ZNF346: variants seen among roughly 807,000 people sequenced by gnomAD.
ZNF346 encodes double-stranded RNA-binding zinc finger protein JAZ.
A neutral mutation model predicts 33.7 loss-of-function variants in ZNF346; 23 were observed. That is an observed-to-expected ratio of 0.68 (90% CI 0.49 to 0.97). The LOEUF (loss-of-function observed/expected upper bound fraction) is 0.97, where lower values mean the gene tolerates loss of function less well. ZNF346 is among the 50% of genes least tolerant of loss of function. The probability of loss-of-function intolerance (pLI) is 0.00; values close to 1 mark genes in which losing one functional copy is unlikely to be tolerated. For missense variants in ZNF346, 340 were observed against 371.1 expected (o/e 0.92, Z 0.69); for synonymous variants, 134 against 142.4 (o/e 0.94, Z 0.42).
rs1783820299 is a variant in ZNF346, at chr5:177,077,750, A to AG, written c.*3-1628dup. 6.6e-6 allele frequency among the ~76,000 whole-genome samples: 1 copy of AG among 152,192 alleles called. No homozygotes were observed. The highest frequency in any genetic ancestry group is 2.1e-4 in the South Asian group (1 of 4,830). On this transcript the variant is annotated intron_variant, in intron 8 of 8. Transcript: ENST00000503039. This position sits in a 1 kb window ranked among gnomAD's most constrained non-coding sequence, Gnocchi z 5.0. The stretch of plus-strand genomic sequence containing the variant: ...ATCCAGTCCCCCGTGGACTGCTAGT[A>AG]GGGGAGGACCACGACATCAAGAAAA...
At chr5:177,052,135 AACCT>A (rs1371812263) in intron 5 of ZNF346, among the ~76,000 whole-genome samples, 2 of 152,074 alleles carry the variant, frequency 1.3e-5, no homozygotes, top group Non-Finnish European at 2.9e-5. Context: ...ACTGTATTCC[AACCT>A]GAGTGAGAGC....
At chr5:177,055,369 T>G (rs1485730606) in intron 5 of ZNF346, among the ~76,000 whole-genome samples, 1 of 152,024 alleles carries the variant, frequency 6.6e-6, no homozygotes, top group African/African-American at 2.4e-5. Flanking sequence ...TTCATATAGC[T>G]ATCTCTGAAA....
chr5:177,061,680 A>G (rs1380264771), intron 5 of ZNF346, among the ~76,000 whole-genome samples: 1 of 152,208 alleles, frequency 6.6e-6, no homozygotes, highest in African/African-American at 2.4e-5. Context: ...AAGCCCTAGG[A>G]GAGTGGCACC....
At chr5:177,044,292 C>T (rs1581864653) in intron 3 of ZNF346, 97 bp from the exon 4 acceptor site, 1 of 1,298,666 alleles carries the variant, frequency 7.7e-7, no homozygotes, top group Non-Finnish European at 1.1e-6. Flanking sequence ...GTGAGGGGGG[C>T]CATAAATGCC....
chr5:177,072,401 G>A (rs187262448), downstream of ZNF346, among the ~76,000 whole-genome samples: 10 of 152,300 alleles, frequency 6.6e-5, no homozygotes, highest in Non-Finnish European at 7.3e-5. Context: ...TCCTTTGGGT[G>A]ACAAACCTGC....
intron 8 of ZNF346, among the ~76,000 whole-genome samples, chr5:177,073,830 G>GC (rs1783619484): frequency 9.1e-6 from 1 of 109,592 alleles, no homozygotes; most frequent in Non-Finnish European, 1.6e-5. Context: ...GGCGGGGGAG[G>GC]GGGGGGGTCC....
chr5:177,058,245 C>T lies in ZNF346; in HGVS notation c.704-3813C>T, dbSNP rs552919602. ...ATTCCAGCACTTTGGGAGGCTGAGG[C>T]AGGCGGATCACCTGAGGTCAGGATT... On this transcript the variant is annotated intron_variant, in intron 5 of 6. Transcript: ENST00000358149. Among the ~76,000 whole-genome samples the T allele has an allele frequency of 2.6e-5, 4 of 151,784 alleles. No homozygotes were observed. In the South Asian group the frequency reaches 8.3e-4, roughly 32 times the overall value.
chr5:177,067,059 G>C lies in ZNF346; in HGVS notation c.*2460G>C, dbSNP rs775376515. Among the ~76,000 whole-genome samples, 5 of 152,054 alleles carry C rather than the reference G, an allele frequency of 3.3e-5. No homozygotes were observed. Among genetic ancestry groups the C allele is most frequent in the Non-Finnish European group, 5.9e-5 (4 of 68,004 alleles). Reference sequence around the variant, plus strand: ...GCCTAGGTGACAGAGTGAGACTCCTGTCTCAAAATAAATAAATAATAAATT... The same window carrying C: ...GCCTAGGTGACAGAGTGAGACTCCTCTCTCAAAATAAATAAATAATAAATT... On this transcript the variant is annotated 3_prime_UTR_variant, in exon 7 of 7. Transcript: ENST00000358149.
intron 3 of ZNF346, chr5:177,042,111 TC>T: frequency 2.5e-6 from 1 of 399,708 alleles, no homozygotes; most frequent in South Asian, 4.8e-5. Context: ...AGCACCCAAT[TC>T]AGAGCCTGGC....
At chr5:177,050,620 A>G (rs753910668) in intron 4 of ZNF346, 131 bp from the exon 5 acceptor site, 3 of 923,238 alleles carry the variant, frequency 3.2e-6, no homozygotes, top group Non-Finnish European at 5.2e-6. Context: ...AACTGGTGTC[A>G]CAGCCCTTTC....
chr5:177,070,723 C>G (rs1486415292), downstream of ZNF346, among the ~76,000 whole-genome samples: 1 of 152,166 alleles, frequency 6.6e-6, no homozygotes, highest in African/African-American at 2.4e-5. Context: ...GGTAAGGCCA[C>G]AAGCAGATGG....
chr5:177,041,458 A>G (rs1779328858), intron 2 of ZNF346, among the ~76,000 whole-genome samples: 1 of 152,234 alleles, frequency 6.6e-6, no homozygotes, highest in Admixed American at 6.5e-5. Flanking sequence ...GGCATAGCAT[A>G]AAGTATGAGC....
intron 4 of ZNF346, among the ~76,000 whole-genome samples, chr5:177,045,290 T>C (rs1188806131): frequency 6.6e-6 from 1 of 152,226 alleles, no homozygotes; most frequent in Non-Finnish European, 1.5e-5. Flanking sequence ...AGTAATACTA[T>C]TATCCTTTTT....
chr5:177,071,563 G>A (rs1025877656), downstream of ZNF346, among the ~76,000 whole-genome samples: 6 of 150,354 alleles, frequency 4.0e-5, no homozygotes, highest in African/African-American at 1.5e-4. Flanking sequence ...GCGGGTGCCT[G>A]TAGTCCCAGC....
rs529424160 is a variant in ZNF346, at chr5:177,022,752, C to T, written c.14C>T (p.Ala5Val). The change falls in exon 1 of 7, where the codon GCG (alanine) becomes GTG (valine). Residue 5 changes from alanine (A) to valine (V), a missense_variant. Coordinates refer to ENST00000358149, the MANE Select transcript of ZNF346 (RefSeq NM_012279.4). ...TTTGCGGGGAAGATGGAGTATCCCGCGCCGGCCACGGTGCAGGCCGCGGAC... is the reference window on the plus strand; with the variant it reads ...TTTGCGGGGAAGATGGAGTATCCCGTGCCGGCCACGGTGCAGGCCGCGGAC... The part of the protein sequence containing the change: MEYP[A>V]PATVQAADGG... 7.7e-6 allele frequency: 12 copies of T among 1,554,830 alleles called. No individual in the cohort carries two copies. In the African/African-American group the frequency reaches 9.7e-5, roughly 13 times the overall value.
intron 4 of ZNF346, among the ~76,000 whole-genome samples, chr5:177,049,116 C>T (rs528379963): frequency 6.6e-6 from 1 of 152,052 alleles, no homozygotes; most frequent in South Asian, 2.1e-4. Flanking sequence ...CTCAACACCA[C>T]AAACAGAATA....
At chr5:177,046,156 C>T (rs901789600) in intron 4 of ZNF346, among the ~76,000 whole-genome samples, 3 of 151,996 alleles carry the variant, frequency 2.0e-5, no homozygotes, top group African/African-American at 7.2e-5. Context: ...CAAAAATTAG[C>T]TGGGTGTGGT....
At position 177,067,211 on chromosome 5, in the gene ZNF346, C is replaced by T. The variant is rs1159613025; in HGVS notation, c.*2612C>T. ...TGAGCTATGATTATGCCACTGTACT[C>T]CAGCCTGGACAACAGAGCAAGACCC... On this transcript the variant is annotated 3_prime_UTR_variant, in exon 7 of 7. Coordinates refer to ENST00000358149, the MANE Select transcript of ZNF346 (RefSeq NM_012279.4). Among the ~76,000 whole-genome samples the T allele has an allele frequency of 6.6e-6, 1 of 152,106 alleles. No individual in the cohort carries two copies. The highest frequency in any genetic ancestry group is 1.9e-4 in the East Asian group (1 of 5,200).
Position 177,041,219 on chromosome 5 carries a change from C to G in ZNF346, c.269C>G (p.Ala90Gly). The G allele has an allele frequency of 6.2e-7, 1 of 1,613,608 alleles. No homozygotes were observed. The highest frequency in any genetic ancestry group is 8.5e-7 in the Non-Finnish European group (1 of 1,179,540). ...CTTATTTCTGAGTCCCAGAAGCTGGCACATTACCAGGTATGCCATCATACT... is the reference window on the plus strand; with the variant it reads ...CTTATTTCTGAGTCCCAGAAGCTGGGACATTACCAGGTATGCCATCATACT... ...ALLISESQKL[A>G]HYQSKKHANK... is the part of the protein sequence containing the mutation. Residue 90 changes from alanine to glycine, a missense_variant, in exon 2 of 7, where the codon GCA becomes GGA. Transcript: ENST00000358149.
Sources: gnomAD v4.1 joint callset for allele counts (sites outside exome capture counted in the v4.1 genomes callset) on GRCh38, gnomAD v4.1.1 for gene constraint, Gnocchi (gnomAD v3.1) non-coding constraint, MANE v1.5 for transcripts, NCBI Gene and HGNC (gene_info 2026-07-23, HGNC 2026-07-21) for gene names.